Variants in TMEM178B observed in about 807,000 individuals in gnomAD.
TMEM178B encodes the protein transmembrane protein 178B.
TMEM178B carries 5 observed loss-of-function variants against 31.0 expected under a neutral mutation model. The ratio of observed to expected loss-of-function variants is 0.16; its 90% CI spans 0.08 to 0.34. The LOEUF (loss-of-function observed/expected upper bound fraction) is 0.34, where lower values mean the gene tolerates loss of function less well. TMEM178B is among the 10% of genes least tolerant of loss of function. The pLI, the probability that TMEM178B is intolerant of heterozygous loss-of-function variation, is 1.00. For missense variants in TMEM178B, 275 were observed against 400.3 expected (o/e 0.69, Z 2.67); for synonymous variants, 164 against 164.0 (o/e 1.00, Z 0.00).
intron 1 of TMEM178B, among the ~76,000 whole-genome samples, chr7:141,164,059 G>T (rs554555623): frequency 6.6e-6 from 1 of 152,066 alleles, no homozygotes; most frequent in Non-Finnish European, 1.5e-5. Context: ...ATTAGTGACC[G>T]TAACTACTGA....
At chr7:141,391,033 G>C (rs1426445985) in intron 2 of TMEM178B, among the ~76,000 whole-genome samples, 1 of 152,204 alleles carries the variant, frequency 6.6e-6, no homozygotes, top group Non-Finnish European at 1.5e-5. Context: ...GGGAAAGGAA[G>C]AGAGAGTTCA....
intron 2 of TMEM178B, among the ~76,000 whole-genome samples, chr7:141,261,905 C>T (rs1258906897): frequency 6.6e-6 from 1 of 152,138 alleles, no homozygotes; most frequent in Non-Finnish European, 1.5e-5. Flanking sequence ...TGGAAGGAAC[C>T]TTGCTAGGCT....
chr7:141,322,625 T>C (rs1230784327), intron 2 of TMEM178B, among the ~76,000 whole-genome samples: 1 of 152,166 alleles, frequency 6.6e-6, no homozygotes, highest in Admixed American at 6.5e-5. Context: ...AAGAAGACTC[T>C]AGCAAGTTCA....
At position 141,473,424 on chromosome 7, in the gene TMEM178B, A is replaced by G. The variant is rs1280616757; in HGVS notation, c.*2638A>G. 1 of 152,198 alleles carries G rather than the reference A, an allele frequency of 6.6e-6. No individual in the cohort carries two copies. The highest frequency in any genetic ancestry group is 2.4e-5 in the African/African-American group (1 of 41,456). 9.4% of individuals were successfully genotyped at this position (152,198 alleles called of 1,614,324 possible). A position where few individuals can be genotyped will look rare whatever the true frequency, so the allele number is the denominator to read the frequency against. ...AAAATTCTAAATGGGGAAATTTGCT[A>G]TGAACCATTTAAACTTTTTGTAAGT... On this transcript the variant is annotated 3_prime_UTR_variant, in exon 4 of 4. Coordinates refer to ENST00000565468, the MANE Select transcript of TMEM178B (RefSeq NM_001195278.2).
At chr7:141,214,606 G>A (rs1483038442) in intron 2 of TMEM178B, among the ~76,000 whole-genome samples, 2 of 152,210 alleles carry the variant, frequency 1.3e-5, no homozygotes, top group African/African-American at 2.4e-5. Flanking sequence ...TGCACACACT[G>A]TAGATACCTG....
chr7:141,416,464 T>C (rs546621617), intron 2 of TMEM178B: 1 of 151,372 alleles, frequency 6.6e-6, no homozygotes, highest in African/African-American at 2.5e-5. Context: ...CTCTTGCTCC[T>C]TTAGGAATCA....
intron 3 of TMEM178B, among the ~76,000 whole-genome samples, chr7:141,447,759 G>A (rs1801787010): frequency 6.6e-6 from 1 of 152,148 alleles, no homozygotes; most frequent in African/African-American, 2.4e-5. Flanking sequence ...CCCTGAAGGT[G>A]TTGCAGGGGC....
rs184706168 is a variant in TMEM178B at position 141,200,986 on chromosome 7, A to G, written c.383-11605A>G. Among the ~76,000 whole-genome samples the G allele has an allele frequency of 2.0e-5, 3 of 152,312 alleles. No individual in the cohort carries two copies. The East Asian group carries it at 5.8e-4, about 29-fold the overall frequency. On this transcript the variant is annotated intron_variant, in intron 1 of 3. Transcript: ENST00000565468. ...GTGGGACTAATTGCTAATTTGTAGA[A>G]TGACAGAATCACGATCCAAAATTTT...
intron 1 of TMEM178B, among the ~76,000 whole-genome samples, chr7:141,142,447 A>G (rs141388854): frequency 0.061 from 8,922 of 147,372 alleles, 904 homozygotes; most frequent in African/African-American, 0.21. Context: ...TCGCTCTGTC[A>G]CCCAGGCTGG....
chr7:141,169,218 C>A (rs530529510), intron 1 of TMEM178B, among the ~76,000 whole-genome samples: 52 of 152,332 alleles, frequency 3.4e-4, no homozygotes, highest in African/African-American at 1.2e-3. Flanking sequence ...ATCCGATAGG[C>A]CCCAGTGTGT....
chr7:141,218,633 T>C (rs371030759), intron 2 of TMEM178B, among the ~76,000 whole-genome samples: 1 of 152,026 alleles, frequency 6.6e-6, no homozygotes, highest in East Asian at 1.9e-4. Context: ...TTATGTTTCT[T>C]GGCTAAGCCC....
At chr7:141,269,236 G>T (rs902998887) in intron 2 of TMEM178B, among the ~76,000 whole-genome samples, 1 of 151,746 alleles carries the variant, frequency 6.6e-6, no homozygotes, top group African/African-American at 2.4e-5. Flanking sequence ...GACTACAGGT[G>T]CACGCCACCA....
chr7:141,274,960 C>A (rs960594480), intron 2 of TMEM178B, among the ~76,000 whole-genome samples: 14 of 152,210 alleles, frequency 9.2e-5, no homozygotes, highest in African/African-American at 3.1e-4. Flanking sequence ...CTTCCCTCCG[C>A]TGCCTAAAAA....
intron 2 of TMEM178B, among the ~76,000 whole-genome samples, chr7:141,238,549 C>T (rs762544325): frequency 6.6e-6 from 1 of 152,138 alleles, no homozygotes; most frequent in East Asian, 1.9e-4. Context: ...GTGGACCAGA[C>T]AGGGAAGTAA....
chr7:141,407,094 C>T (rs986042369), intron 2 of TMEM178B, among the ~76,000 whole-genome samples: 2 of 152,202 alleles, frequency 1.3e-5, no homozygotes, highest in African/African-American at 2.4e-5. Context: ...CCTATATTGC[C>T]TATTGTGTTT....
intron 2 of TMEM178B, among the ~76,000 whole-genome samples, chr7:141,391,644 C>T (rs913464446): frequency 6.6e-6 from 1 of 152,142 alleles, no homozygotes; most frequent in Non-Finnish European, 1.5e-5. Flanking sequence ...AACTTTTCAT[C>T]TTGCAAATCT....
At chr7:141,411,151 T>G (rs1397145428) in intron 2 of TMEM178B, among the ~76,000 whole-genome samples, 2 of 150,430 alleles carry the variant, frequency 1.3e-5, no homozygotes, top group African/African-American at 4.9e-5. Context: ...CTAATATGAG[T>G]GGTTGAATGC....
intron 1 of TMEM178B, among the ~76,000 whole-genome samples, chr7:141,203,236 GT>G (rs960539101): frequency 3.3e-5 from 5 of 152,224 alleles, no homozygotes; most frequent in African/African-American, 9.6e-5. Flanking sequence ...TTTGTTGGTG[GT>G]TTTTTTCCAT....
intron 2 of TMEM178B, among the ~76,000 whole-genome samples, chr7:141,286,428 A>G (rs1429930893): frequency 6.6e-6 from 1 of 152,170 alleles, no homozygotes; most frequent in Non-Finnish European, 1.5e-5. Flanking sequence ...CCTTATCCCA[A>G]CCATTACAAC....
Sources: allele counts gnomAD v4.1 joint callset (sites outside exome capture counted in the v4.1 genomes callset), GRCh38; gene constraint gnomAD v4.1.1; transcripts MANE v1.5; gene names NCBI Gene and HGNC (gene_info 2026-07-23, HGNC 2026-07-21).